The following NIN variants were observed in gnomAD, a reference collection of about 807,000 sequenced individuals.
NIN encodes the protein ninein.
NIN carries 137 observed loss-of-function variants against 257.6 expected under a neutral mutation model. That is an observed-to-expected ratio of 0.53 (90% CI 0.46 to 0.61). The LOEUF (loss-of-function observed/expected upper bound fraction) is 0.61, where lower values mean the gene tolerates loss of function less well. Among genes scored for constraint, NIN ranks in the 20% least tolerant of loss-of-function variants. The probability of loss-of-function intolerance (pLI) is 0.00; values close to 1 mark genes in which losing one functional copy is unlikely to be tolerated. For missense variants in NIN, 2,439 were observed against 2,501.2 expected (o/e 0.98, Z 0.53); for synonymous variants, 918 against 919.8 (o/e 1.00, Z 0.04).
intron 5 of NIN, among the ~76,000 whole-genome samples, chr14:50,782,766 T>C (rs2043184849): frequency 6.6e-6 from 1 of 152,182 alleles, no homozygotes; most frequent in African/African-American, 2.4e-5. Flanking sequence ...TCCCTCCTTT[T>C]GGTAAATATT....
At chr14:50,794,026 T>C (rs1406235415) in intron 4 of NIN, among the ~76,000 whole-genome samples, 1 of 152,156 alleles carries the variant, frequency 6.6e-6, no homozygotes, top group African/African-American at 2.4e-5. Flanking sequence ...GACTTTTAAA[T>C]GAGATTATGT....
rs1415812693 is a variant in NIN, at chr14:50,813,387, G to A, written c.184-6569C>T. Among the ~76,000 whole-genome samples, 4 of 152,024 alleles carry A rather than the reference G, an allele frequency of 2.6e-5. No homozygotes were observed. In the East Asian group the frequency reaches 5.8e-4, roughly 22 times the overall value. On this transcript the variant is annotated intron_variant, in intron 3 of 30. Coordinates refer to ENST00000530997, the MANE Select transcript of NIN (RefSeq NM_020921.4). Reference sequence around the variant, plus strand: ...ATTCCTATACCTTGTATGCCTCAACGGGCAGTTTGCAGCAATGGGAAAATT... The same window carrying A: ...ATTCCTATACCTTGTATGCCTCAACAGGCAGTTTGCAGCAATGGGAAAATT...
chr14:50,723,532 G>C lies in NIN; in HGVS notation c.6333C>G (p.Ala2111=), dbSNP rs946925655. 2 of 1,613,672 alleles carry C rather than the reference G, an allele frequency of 1.2e-6. No individual in the cohort carries two copies. Among genetic ancestry groups the C allele is most frequent in the African/African-American group, 2.7e-5 (2 of 74,872 alleles). The change falls in exon 31 of 31, where the codon GCC becomes GCG. Residue 2111 remains alanine, a synonymous_variant. Coordinates refer to ENST00000530997, the MANE Select transcript of NIN (RefSeq NM_020921.4). The stretch of plus-strand genomic sequence containing the variant: ...GATTCCTAACTATATTACTGAGGCT[G>C]GCAATCTTCTCCTCCAGGAGGTAAT... ...KKNYLLEEKI[A]SLSNIVRNLT... is the part of the protein sequence containing the mutation.
chr14:50,766,387 G>A lies in NIN; in HGVS notation c.1555C>T (p.Leu519Phe). 6.2e-7 allele frequency: 1 copy of A among 1,614,116 alleles called. No homozygotes were observed. The highest frequency in any genetic ancestry group is 8.5e-7 in the Non-Finnish European group (1 of 1,179,990). ...AAGAACTCAGCACTGCTAGGATCGA[G>A]GTCACCAAACTAGAAGGGGAAAAGG... The part of the protein sequence containing the change: ...ENVLAEKFGD[L>F]DPSSAEFFLQ... Residue 519 changes from leucine to phenylalanine, a missense_variant, in exon 14 of 31, where the codon CTC (leucine) becomes TTC (phenylalanine). This residue lies in a region of NIN where 2,043 missense variants were observed against 2,050.2 expected (regional missense o/e 1.00). Transcript: ENST00000530997.
intron 5 of NIN, among the ~76,000 whole-genome samples, 183 bp from the exon 6 acceptor site, chr14:50,778,987 G>T (rs1435465807): frequency 1.3e-5 from 2 of 152,154 alleles, no homozygotes; most frequent in Non-Finnish European, 2.9e-5. Context: ...CAATCAGGAC[G>T]AGACTCCTAA....
chr14:50,818,721 G>A (rs1260378155), intron 3 of NIN, among the ~76,000 whole-genome samples: 6 of 152,074 alleles, frequency 3.9e-5, no homozygotes, highest in Admixed American at 6.5e-5. Flanking sequence ...CAAGCTTTAC[G>A]CATTTCAAAC....
At chr14:50,797,457 G>C (rs1352905069) in intron 4 of NIN, among the ~76,000 whole-genome samples, 1 of 152,134 alleles carries the variant, frequency 6.6e-6, no homozygotes, top group South Asian at 2.1e-4. Flanking sequence ...TTACATTGCT[G>C]CTGAGCTCAC....
chr14:50,775,011 C>T (rs2141846248), intron 7 of NIN, among the ~76,000 whole-genome samples: 1 of 152,274 alleles, frequency 6.6e-6, no homozygotes, highest in East Asian at 1.9e-4. Context: ...GGAAAATAAT[C>T]ACAAACCCAA....
At chr14:50,802,428 A>G (rs1035846057) in intron 4 of NIN, among the ~76,000 whole-genome samples, 5 of 152,228 alleles carry the variant, frequency 3.3e-5, no homozygotes, top group Non-Finnish European at 7.3e-5. Flanking sequence ...GGAGTTATAA[A>G]TGGCAGAGCC....
rs370172817 is a variant in NIN, at chr14:50,776,939, C to A, written c.666+10G>T. On this transcript the variant is annotated intron_variant, in intron 7 of 30. Transcript: ENST00000530997. ...TCATTATCATTCCTGAATTATACTG[C>A]GAGGCTTACCTCTCCATCCACATTC... 6.2e-7 allele frequency: 1 copy of A among 1,606,052 alleles called. No individual in the cohort carries two copies. Among genetic ancestry groups the A allele is most frequent in the Admixed American group, 1.7e-5 (1 of 59,032 alleles).
chr14:50,802,796 C>G (rs1482003467), intron 4 of NIN, among the ~76,000 whole-genome samples: 1 of 152,192 alleles, frequency 6.6e-6, no homozygotes, highest in Non-Finnish European at 1.5e-5. Context: ...ATTAGAGGGA[C>G]AGAACCAGCA....
rs1213819569 is a variant in NIN at position 50,796,484 on chromosome 14, G to A, written c.266-3603C>T. ...GATGAAGAAAATACTATGCCTTCGG[G>A]CCTTAGAAATGACAGCTGGGTTGCT... On this transcript the variant is annotated intron_variant, in intron 4 of 30. Coordinates refer to ENST00000530997, the MANE Select transcript of NIN (RefSeq NM_020921.4). 2.0e-5 allele frequency among the ~76,000 whole-genome samples: 3 copies of A among 152,248 alleles called. No homozygotes were observed. In the East Asian group the frequency reaches 5.8e-4, roughly 29 times the overall value.
chr14:50,752,501 G>A lies in NIN; in HGVS notation c.4950+17C>T, dbSNP rs1356126748. 3.2e-6 allele frequency: 5 copies of A among 1,573,730 alleles called. No homozygotes were observed. The highest frequency in any genetic ancestry group is 2.4e-5 in the South Asian group (2 of 84,926). On this transcript the variant is annotated intron_variant, in intron 21 of 30. Coordinates refer to ENST00000530997, the MANE Select transcript of NIN (RefSeq NM_020921.4). ...GGATTTCCTCAAAAAAAGCTGTCAG[G>A]TGGCTACAGGCCATACCTGCACTTT...
intron 12 of NIN, among the ~76,000 whole-genome samples, chr14:50,767,890 T>C (rs186406860): frequency 6.6e-6 from 1 of 152,122 alleles, no homozygotes; most frequent in East Asian, 1.9e-4. Context: ...ATTTAATTTA[T>C]AAATTTCTTT....
Position 50,757,493 on chromosome 14 carries a change from A to T in NIN, c.3537T>A (p.Gly1179=). The change falls in exon 18 of 31, where the codon GGT becomes GGA. Residue 1179 remains glycine, a synonymous_variant. Coordinates refer to ENST00000530997, the MANE Select transcript of NIN (RefSeq NM_020921.4). The part of the protein sequence containing the change: ...KIEESEASVE[G]FSELENSEET... ...CTTCACTGTTTTCAAGCTCAGAAAA[A>T]CCCTCTACTGAAGCTTCAGACTCCT... 2 of 1,613,192 alleles carry T rather than the reference A, an allele frequency of 1.2e-6. No individual in the cohort carries two copies. The highest frequency in any genetic ancestry group is 1.1e-5 in the South Asian group (1 of 91,014).
intron 29 of NIN, chr14:50,727,765 GCAAGTAGTACACTT>G: frequency 1.4e-6 from 2 of 1,419,970 alleles, no homozygotes; most frequent in South Asian, 2.3e-5. Flanking sequence ...GAGAAAGAAG[GCAAGTAGTACACTT>G]CACCCTCATG....
chr14:50,757,094 A>T lies in NIN; in HGVS notation c.3936T>A (p.Asp1312Glu). Residue 1312 changes from aspartate to glutamate, a missense_variant, in exon 18 of 31, where the codon GAT (aspartate) becomes GAA (glutamate). Physicochemically the swap from Asp to Glu is conservative, Grantham distance 45. Coordinates refer to ENST00000530997, the MANE Select transcript of NIN (RefSeq NM_020921.4). ...GCCCCTCATTTTCTATTTTGACCTCATCGTAACTCTTTTCCAGGCTGAGGA... is the reference window on the plus strand; with the variant it reads ...GCCCCTCATTTTCTATTTTGACCTCTTCGTAACTCTTTTCCAGGCTGAGGA... ...ETFLSLEKSYDEVKIENEGLN... is the reference protein window; with the variant it reads ...ETFLSLEKSYEEVKIENEGLN... The T allele has an allele frequency of 1.2e-6, 2 of 1,613,216 alleles. No homozygotes were observed. Among genetic ancestry groups the T allele is most frequent in the Non-Finnish European group, 1.7e-6 (2 of 1,179,734 alleles).
Position 50,758,229 on chromosome 14 carries a change from G to T in NIN, c.2801C>A (p.Ser934Tyr). 2 of 1,614,234 alleles carry T rather than the reference G, an allele frequency of 1.2e-6. No homozygotes were observed. The highest frequency in any genetic ancestry group is 8.5e-7 in the Non-Finnish European group (1 of 1,180,042). The change falls in exon 18 of 31, where the codon TCT (serine) becomes TAT (tyrosine). Residue 934 changes from serine to tyrosine, a missense_variant. Ser to Tyr is a moderately radical substitution (Grantham distance 144). This residue lies in a region of NIN where 2,043 missense variants were observed against 2,050.2 expected (regional missense o/e 1.00). Coordinates refer to ENST00000530997, the MANE Select transcript of NIN (RefSeq NM_020921.4). ...NVSETQQSLL[S>Y]DQILELKSSH... ...GCTCTTCAGCTCAAGTATCTGGTCA[G>T]ACAGCAGGCTTTGCTGGGTTTCAGA...
intron 28 of NIN, among the ~76,000 whole-genome samples, chr14:50,731,249 G>A (rs1031005955): frequency 1.1e-4 from 16 of 152,034 alleles, no homozygotes; most frequent in African/African-American, 3.6e-4. Flanking sequence ...CCAGGTCCAG[G>A]CCAGGCGCAG....
Sources: gnomAD v4.1 joint callset for allele counts (sites outside exome capture counted in the v4.1 genomes callset) on GRCh38, gnomAD v4.1.1 for gene constraint, gnomAD v4.1.1 regional missense constraint, MANE v1.5 for transcripts, NCBI Gene and HGNC (gene_info 2026-07-23, HGNC 2026-07-21) for gene names.